Variants in LYPLAL1 observed in about 807,000 individuals in gnomAD.
LYPLAL1 encodes lysophospholipase like 1, also known as lysophospholipase-like protein 1.
Under a neutral mutation model 19.7 loss-of-function variants are expected in LYPLAL1, and 23 were observed. The observed-to-expected ratio is 1.17, with a 90% CI of 0.84 to 1.65. LYPLAL1 has a LOEUF of 1.65. Among genes scored for constraint, LYPLAL1 ranks in the 40% most tolerant of loss-of-function variants. LYPLAL1 has a pLI of 0.00. For synonymous variants in LYPLAL1, 119 were observed against 96.3 expected (o/e 1.24, Z -1.38); for missense variants, 355 against 279.4 (o/e 1.27, Z -1.93).
the LYPLAL1 span, chr1:219,222,470 T>C: frequency 6.6e-6 from 1 of 152,120 alleles, no homozygotes; most frequent in African/African-American, 2.4e-5. Context: ...GCATGCGTAG[T>C]TGTAAAGAAA....
At chr1:219,334,189 A>G in the LYPLAL1 span, among the ~76,000 whole-genome samples, 2 of 151,944 alleles carry the variant, frequency 1.3e-5, no homozygotes, top group African/African-American at 4.8e-5. Context: ...AGGAGAGAGA[A>G]TACATTTCTT....
the LYPLAL1 span, among the ~76,000 whole-genome samples, chr1:219,347,338 A>G: frequency 6.6e-6 from 1 of 152,004 alleles, no homozygotes; most frequent in African/African-American, 2.4e-5. Context: ...CTTGCTCCAT[A>G]TGCTAATTAA....
the LYPLAL1 span, among the ~76,000 whole-genome samples, chr1:219,263,181 G>A: frequency 6.6e-6 from 1 of 152,134 alleles, no homozygotes; most frequent in African/African-American, 2.4e-5. Context: ...TCCACTGTGG[G>A]GTATGGGGAG....
chr1:219,212,250 C>G lies in LYPLAL1; in HGVS notation c.*522C>G, dbSNP rs1305887909. The stretch of plus-strand genomic sequence containing the variant: ...ATAATAGCAATAGAGGAGTTAAAGA[C>G]TTTCCCACAGCTTGCAGGTCAAGAC... On this transcript the variant is annotated 3_prime_UTR_variant, in exon 5 of 5. Coordinates refer to ENST00000366928, the MANE Select transcript of LYPLAL1 (RefSeq NM_138794.5). 2.0e-5 allele frequency: 3 copies of G among 152,002 alleles called. No homozygotes were observed. The highest frequency in any genetic ancestry group is 2.9e-5 in the Non-Finnish European group (2 of 67,964). 9.4% of individuals were successfully genotyped at this position (152,002 alleles called of 1,614,324 possible). A position where few individuals can be genotyped will look rare whatever the true frequency, so the allele number is the denominator to read the frequency against.
At chr1:219,218,826 T>C in the LYPLAL1 span, among the ~76,000 whole-genome samples, 2 of 152,092 alleles carry the variant, frequency 1.3e-5, no homozygotes, top group Admixed American at 6.6e-5. Flanking sequence ...AAGACAACCA[T>C]GAATAACAAC....
At chr1:219,193,702 T>C (rs1185783945) in intron 3 of LYPLAL1, among the ~76,000 whole-genome samples, 1 of 151,868 alleles carries the variant, frequency 6.6e-6, no homozygotes, top group Non-Finnish European at 1.5e-5. Context: ...AGACTGTCTT[T>C]AGCAAGCCCT....
the LYPLAL1 span, among the ~76,000 whole-genome samples, chr1:219,229,266 C>T: frequency 2.7e-5 from 4 of 146,876 alleles, no homozygotes; most frequent in Non-Finnish European, 6.0e-5. Context: ...GGCTGAACTC[C>T]CATGGACATA....
At chr1:219,228,028 T>A in the LYPLAL1 span, among the ~76,000 whole-genome samples, 44 of 152,280 alleles carry the variant, frequency 2.9e-4, no homozygotes, top group African/African-American at 9.1e-4. Flanking sequence ...CTGGTTTTGC[T>A]CTCAGACTGA....
At chr1:219,306,216 G>A in the LYPLAL1 span, among the ~76,000 whole-genome samples, 1 of 152,154 alleles carries the variant, frequency 6.6e-6, no homozygotes, top group African/African-American at 2.4e-5. Context: ...CAAATGCATT[G>A]CATTCTCTGG....
the LYPLAL1 span, among the ~76,000 whole-genome samples, chr1:219,412,204 T>C: frequency 6.6e-6 from 1 of 152,070 alleles, no homozygotes; most frequent in African/African-American, 2.4e-5. Flanking sequence ...CCCAGCTAAT[T>C]TTTTGTAGAG....
At chr1:219,313,332 T>C in the LYPLAL1 span, among the ~76,000 whole-genome samples, 1 of 152,216 alleles carries the variant, frequency 6.6e-6, no homozygotes, top group African/African-American at 2.4e-5. Flanking sequence ...AGTTTTATTT[T>C]TCTCATGTGA....
the LYPLAL1 span, among the ~76,000 whole-genome samples, chr1:219,375,031 C>T: frequency 0.16 from 24,570 of 152,174 alleles, 2,140 homozygotes; most frequent in Non-Finnish European, 0.2. Context: ...ACTTGCTGTG[C>T]GCATCAGGCA....
chr1:219,396,978 C>T, the LYPLAL1 span, among the ~76,000 whole-genome samples: 5 of 152,138 alleles, frequency 3.3e-5, no homozygotes, highest in Admixed American at 1.3e-4. Flanking sequence ...GAGAGGGCAT[C>T]CTTGTCTTGT....
chr1:219,331,313 C>T, the LYPLAL1 span, among the ~76,000 whole-genome samples: 134 of 152,184 alleles, frequency 8.8e-4, 1 homozygote, highest in Middle Eastern at 0.027. Flanking sequence ...ACAATAATGT[C>T]GCATAATAAG....
the LYPLAL1 span, among the ~76,000 whole-genome samples, chr1:219,280,645 A>G: frequency 1.1e-4 from 17 of 152,368 alleles, 1 homozygote; most frequent in South Asian, 3.5e-3. Flanking sequence ...ATCACAAATA[A>G]TAACTGAACA....
the LYPLAL1 span, among the ~76,000 whole-genome samples, chr1:219,307,713 G>A: frequency 6.6e-6 from 1 of 152,156 alleles, no homozygotes; most frequent in African/African-American, 2.4e-5. Flanking sequence ...GGACACAATG[G>A]GAGATAGTTT....
chr1:219,295,084 G>T, the LYPLAL1 span, among the ~76,000 whole-genome samples: 1 of 152,106 alleles, frequency 6.6e-6, no homozygotes, highest in Non-Finnish European at 1.5e-5. Flanking sequence ...GCAGCTCTGG[G>T]CAGCACTCCA....
the LYPLAL1 span, among the ~76,000 whole-genome samples, chr1:219,337,104 C>G: frequency 2.0e-5 from 3 of 151,832 alleles, no homozygotes; most frequent in Non-Finnish European, 4.4e-5. Context: ...TCCTCCTTAA[C>G]TTCTGAATAT....
chr1:219,413,878 CCA>C, the LYPLAL1 span, among the ~76,000 whole-genome samples: 1 of 152,164 alleles, frequency 6.6e-6, no homozygotes, highest in Non-Finnish European at 1.5e-5. Flanking sequence ...AGAATACTTT[CCA>C]GAGTGTGTTC....
Sources: allele counts gnomAD v4.1 joint callset (sites outside exome capture counted in the v4.1 genomes callset), GRCh38; gene constraint gnomAD v4.1.1; transcripts MANE v1.5; gene names NCBI Gene and HGNC (gene_info 2026-07-23, HGNC 2026-07-21).